Variants in PCNX2 observed in about 807,000 individuals in gnomAD.
PCNX2 encodes the protein pecanex 2.
A neutral mutation model predicts 223.8 loss-of-function variants in PCNX2; 168 were observed. That is an observed-to-expected ratio of 0.75 (90% confidence interval 0.66 to 0.85). The LOEUF (loss-of-function observed/expected upper bound fraction) is 0.85, where lower values mean the gene tolerates loss of function less well. PCNX2 is among the 40% of genes least tolerant of loss of function. The pLI is 0.00. For missense variants in PCNX2, 2,507 were observed against 2,675.5 expected, an observed-to-expected ratio of 0.94 and a Z score of 1.39; for synonymous variants, 1,006 against 1,052.6, an observed-to-expected ratio of 0.96 and a Z score of 0.86.
chr1:233,191,703 A>T (rs955794575), intron 15 of PCNX2, among the ~76,000 whole-genome samples: 8 of 152,206 alleles, frequency 5.3e-5, no homozygotes, highest in African/African-American at 1.9e-4. Context: ...CTGAGGAAGT[A>T]AACAGGAAAA....
At chr1:233,127,999 G>A (rs1388777690) in intron 21 of PCNX2, among the ~76,000 whole-genome samples, 10 of 152,118 alleles carry the variant, frequency 6.6e-5, no homozygotes, top group Non-Finnish European at 1.2e-4. Context: ...CTTTCTATCT[G>A]TACTCACAAA....
At chr1:233,065,204 G>A (rs997950236) in intron 23 of PCNX2, among the ~76,000 whole-genome samples, 4 of 152,094 alleles carry the variant, frequency 2.6e-5, no homozygotes, top group African/African-American at 9.7e-5. Flanking sequence ...CTACCTCAAG[G>A]TGAAGTTTCT....
At chr1:233,026,218 G>GA (rs1339041267) in intron 25 of PCNX2, among the ~76,000 whole-genome samples, 1 of 152,200 alleles carries the variant, frequency 6.6e-6, no homozygotes, top group East Asian at 1.9e-4. Flanking sequence ...AGGTCGGGGG[G>GA]AACTCAGCGC....
chr1:233,068,695 C>T (rs1464470672), intron 23 of PCNX2, among the ~76,000 whole-genome samples: 1 of 151,610 alleles, frequency 6.6e-6, no homozygotes, highest in Non-Finnish European at 1.5e-5. Context: ...AGAGCAAACA[C>T]TAAAAGATAC....
Position 233,258,396 on chromosome 1 carries a change from G to A in PCNX2, c.1466C>T (p.Pro489Leu). ...IKDHSSSSRE[P>L]WESVSRLTPD... ...TGTAAGCCGGGACACCGATTCCCAG[G>A]GTTCCCGTGATGAAGAACTGTGATC... is the stretch of plus-strand genomic sequence containing the variant. Residue 489 changes from proline to leucine, a missense_variant, in exon 5 of 34, where the codon CCC becomes CTC. Pro to Leu is a moderately conservative substitution (Grantham distance 98, BLOSUM62 -3). This residue lies in a region of PCNX2 where 1,031 missense variants were observed against 1,021.7 expected (regional missense o/e 1.01). Transcript: ENST00000258229. 2 of 1,613,904 alleles carry A rather than the reference G, an allele frequency of 1.2e-6. No homozygotes were observed. Among genetic ancestry groups the A allele is most frequent in the Non-Finnish European group, 1.7e-6 (2 of 1,179,880 alleles).
At chr1:233,280,779 CT>C (rs1381508662) in intron 1 of PCNX2, among the ~76,000 whole-genome samples, 1 of 152,170 alleles carries the variant, frequency 6.6e-6, no homozygotes, top group Non-Finnish European at 1.5e-5. Flanking sequence ...TATATTACAT[CT>C]TTTTTTCTCA....
chr1:233,114,209 T>C (rs1675277344), intron 21 of PCNX2, among the ~76,000 whole-genome samples: 1 of 152,106 alleles, frequency 6.6e-6, no homozygotes, highest in African/African-American at 2.4e-5. Flanking sequence ...AATATGAAAC[T>C]GGGTGGGTCA....
chr1:233,029,732 T>G (rs966967741), intron 25 of PCNX2, among the ~76,000 whole-genome samples: 1 of 152,222 alleles, frequency 6.6e-6, no homozygotes, highest in African/African-American at 2.4e-5. Context: ...CATTGTTTTC[T>G]GGCTTGTATG....
In PCNX2 at chr1:233,217,888, T is replaced by C. The variant is rs1657075927; in HGVS notation, c.2691+11A>G. 4 of 1,613,884 alleles carry C rather than the reference T, an allele frequency of 2.5e-6. No individual in the cohort carries two copies. Among genetic ancestry groups the C allele is most frequent in the Middle Eastern group, 1.7e-4 (1 of 6,054 alleles). The stretch of plus-strand genomic sequence containing the variant: ...ACAAGAAAAGCTACTTGCCTGTATT[T>C]GGAAACTTACGTGTATTGGTGAGGC... On this transcript the variant is annotated intron_variant, in intron 12 of 33. Coordinates refer to ENST00000258229, the MANE Select transcript of PCNX2 (RefSeq NM_014801.4).
At chr1:233,155,510 C>T (rs181664210) in intron 19 of PCNX2, among the ~76,000 whole-genome samples, 2 of 152,276 alleles carry the variant, frequency 1.3e-5, no homozygotes, top group East Asian at 3.9e-4. Context: ...TGTGAATAAA[C>T]AAGTAAATAA....
chr1:233,158,111 C>G (rs1314111779), intron 19 of PCNX2, among the ~76,000 whole-genome samples: 9 of 152,054 alleles, frequency 5.9e-5, no homozygotes. Context: ...CTTGAAATAG[C>G]TAAATGATTT....
At chr1:233,090,348 T>C (rs1673809575) in intron 22 of PCNX2, among the ~76,000 whole-genome samples, 158 bp from the exon 23 acceptor site, 1 of 152,180 alleles carries the variant, frequency 6.6e-6, no homozygotes, top group South Asian at 2.1e-4. Context: ...TTTATAAATA[T>C]AAAACTTTCA....
At chr1:233,107,179 T>C (rs1674842888) in intron 21 of PCNX2, among the ~76,000 whole-genome samples, 1 of 146,378 alleles carries the variant, frequency 6.8e-6, no homozygotes, top group South Asian at 2.2e-4. Flanking sequence ...CACTTGAACA[T>C]GTATTATACA....
chr1:233,207,428 G>C (rs1681542503), intron 13 of PCNX2, among the ~76,000 whole-genome samples: 1 of 152,126 alleles, frequency 6.6e-6, no homozygotes. Context: ...TGGTCAATGT[G>C]ATCACAGACA....
chr1:233,096,038 T>G (rs1410818344), intron 21 of PCNX2, among the ~76,000 whole-genome samples, 175 bp from the exon 22 acceptor site: 1 of 152,226 alleles, frequency 6.6e-6, no homozygotes, highest in Non-Finnish European at 1.5e-5. Flanking sequence ...AATGATATTT[T>G]GAAACAGCAA....
chr1:233,095,938 G>A, intron 21 of PCNX2, 75 bp from the exon 22 acceptor site: 1 of 1,116,790 alleles, frequency 9.0e-7, no homozygotes, highest in South Asian at 1.5e-5. Context: ...TCACTTAAAG[G>A]ACATTTGTCA....
At chr1:233,267,834 T>C (rs1452600413) in intron 1 of PCNX2, among the ~76,000 whole-genome samples, 1 of 152,204 alleles carries the variant, frequency 6.6e-6, no homozygotes, top group Admixed American at 6.5e-5. Flanking sequence ...AACATGGGTG[T>C]ACACATATCT....
chr1:233,274,149 G>A (rs1033867448), intron 1 of PCNX2, among the ~76,000 whole-genome samples: 5 of 152,136 alleles, frequency 3.3e-5, no homozygotes, highest in African/African-American at 1.2e-4. Context: ...ATTTACAAGT[G>A]GGTATTAACA....
chr1:233,196,789 G>C (rs992651036), intron 15 of PCNX2, among the ~76,000 whole-genome samples: 8 of 152,162 alleles, frequency 5.3e-5, no homozygotes, highest in Non-Finnish European at 1.2e-4. Context: ...CTGGACAACA[G>C]TTTGGCAATT....
Sources: gnomAD v4.1 joint callset for allele counts (sites outside exome capture counted in the v4.1 genomes callset) on GRCh38, gnomAD v4.1.1 for gene constraint, gnomAD v4.1.1 regional missense constraint, MANE v1.5 for transcripts, NCBI Gene and HGNC (gene_info 2026-07-23, HGNC 2026-07-21) for gene names.